Variants in KANTR observed in about 807,000 individuals in gnomAD.
KANTR encodes KDM5C adjacent transcript.
At chrX:53,104,526 C>T (rs1932924814) in intron 2 of KANTR, among the ~76,000 whole-genome samples, 2 of 110,954 alleles carry the variant, frequency 1.8e-5, no homozygotes, top group Non-Finnish European at 3.8e-5. Context: ...CCCCCGACCC[C>T]CACCAAAGAA....
chrX:53,131,949 T>C (rs782521775), downstream of KANTR, among the ~76,000 whole-genome samples: 7 of 112,522 alleles, frequency 6.2e-5, no homozygotes, highest in Admixed American at 2.8e-4. Context: ...ATAAGATCAA[T>C]ATACAAAAAT....
downstream of KANTR, among the ~76,000 whole-genome samples, chrX:53,130,184 C>T (rs1458525124): frequency 8.9e-6 from 1 of 112,233 alleles, no homozygotes; most frequent in African/African-American, 3.2e-5. Flanking sequence ...ATTTTTGTTT[C>T]CAAACATATA....
chrX:53,136,693 CATAT>C (rs58263602), intron 2 of KANTR, among the ~76,000 whole-genome samples: 231 of 9,288 alleles, frequency 0.025, 30 homozygotes, highest in East Asian at 0.044. Flanking sequence ...CCACGCCCGG[CATAT>C]ATATATATAT....
At chrX:53,122,073 A>G (rs933854185) in intron 2 of KANTR, among the ~76,000 whole-genome samples, 2 of 112,358 alleles carry the variant, frequency 1.8e-5, no homozygotes, top group Non-Finnish European at 3.8e-5. Context: ...TCAGTCACTT[A>G]TATCAGTATG....
chrX:53,119,542 A>G (rs1933185794), intron 2 of KANTR, among the ~76,000 whole-genome samples: 1 of 111,389 alleles, frequency 9.0e-6, no homozygotes, highest in South Asian at 3.8e-4. Flanking sequence ...TTCCATATCC[A>G]TATAGATCTG....
chrX:53,135,463 C>T (rs1933409776), intron 2 of KANTR, among the ~76,000 whole-genome samples: 1 of 112,011 alleles, frequency 8.9e-6, no homozygotes, highest in Admixed American at 9.5e-5. Context: ...CGAATTCTGC[C>T]TTGTCTCTGC....
chrX:53,135,966 C>T (rs1035590537), intron 2 of KANTR, among the ~76,000 whole-genome samples: 2 of 112,108 alleles, frequency 1.8e-5, no homozygotes, highest in Non-Finnish European at 3.8e-5. Context: ...ACAGTCTATA[C>T]AACAGCCCTA....
chrX:53,132,235 T>G (rs1157691260), downstream of KANTR, among the ~76,000 whole-genome samples: 1 of 111,808 alleles, frequency 8.9e-6, no homozygotes, highest in African/African-American at 3.3e-5. Flanking sequence ...TTGCCGAAAT[T>G]TACAAACTGA....
chrX:53,143,403 G>C, downstream of KANTR: 1 of 682,163 alleles, frequency 1.5e-6, no homozygotes, highest in East Asian at 3.4e-5. Flanking sequence ...CGTGGTGGGA[G>C]GGCATGGCCC....
At chrX:53,137,661 C>A (rs184220392) in intron 2 of KANTR, among the ~76,000 whole-genome samples, 1 of 109,491 alleles carries the variant, frequency 9.1e-6, no homozygotes, top group Non-Finnish European at 1.9e-5. Flanking sequence ...CCCAGCTACT[C>A]GGGAGGCTGA....
At chrX:53,118,595 T>C (rs781936490) in intron 2 of KANTR, among the ~76,000 whole-genome samples, 1 of 109,721 alleles carries the variant, frequency 9.1e-6, no homozygotes, top group African/African-American at 3.3e-5. Flanking sequence ...ACCGCATCTC[T>C]ACAAAAAATA....
At chrX:53,141,969 G>T in exon 3 of KANTR, 1 of 381,305 alleles carries the variant, frequency 2.6e-6, no homozygotes, top group Non-Finnish European at 3.5e-6. Flanking sequence ...CTGACAGACC[G>T]GCAGGACAGA....
chrX:53,112,861 C>A (rs1556813989), intron 2 of KANTR, among the ~76,000 whole-genome samples: 1 of 111,062 alleles, frequency 9.0e-6, no homozygotes, highest in African/African-American at 3.3e-5. Flanking sequence ...CTCTGTAATT[C>A]AAAAATTTGC....
At chrX:53,145,384 G>C (rs1488278937), downstream of KANTR, among the ~76,000 whole-genome samples, 3 of 112,058 alleles carry the variant, frequency 2.7e-5, no homozygotes, top group Admixed American at 2.8e-4. Context: ...AGGGTCCTAC[G>C]CCCACAGATT....
downstream of KANTR, among the ~76,000 whole-genome samples, chrX:53,144,387 C>T (rs1933545435): frequency 9.0e-6 from 1 of 111,647 alleles, no homozygotes; most frequent in Non-Finnish European, 1.9e-5. Context: ...GAACCAGACC[C>T]TGTCTCAAAA....
At chrX:53,115,592 A>G (rs1409882147) in intron 2 of KANTR, among the ~76,000 whole-genome samples, 1 of 113,239 alleles carries the variant, frequency 8.8e-6, no homozygotes, top group Non-Finnish European at 1.9e-5. Context: ...CTCGGTCTGC[A>G]GGTACCAGCC....
At chrX:53,131,199 G>C (rs1327942229), downstream of KANTR, among the ~76,000 whole-genome samples, 5 of 110,975 alleles carry the variant, frequency 4.5e-5, no homozygotes, top group Admixed American at 4.8e-4. Context: ...CCGTAAGTTT[G>C]GGGAAAGTCC....
At chrX:53,125,887 G>A (rs1266297592) in exon 3 of KANTR, 1 of 102,742 alleles carries the variant, frequency 9.7e-6, no homozygotes, top group Non-Finnish European at 2.0e-5. Context: ...TTTTTTTTTA[G>A]TACAGGTCTC....
downstream of KANTR, among the ~76,000 whole-genome samples, chrX:53,130,001 G>A (rs1556816758): frequency 9.2e-6 from 1 of 108,862 alleles, no homozygotes; most frequent in African/African-American, 3.3e-5. Flanking sequence ...CAAGTAGCTG[G>A]GATTACAGGT....
Sources: allele counts gnomAD v4.1 joint callset (sites outside exome capture counted in the v4.1 genomes callset), GRCh38; gene constraint gnomAD v4.1.1; transcripts MANE v1.5; gene names NCBI Gene and HGNC (gene_info 2026-07-23, HGNC 2026-07-21).